Variants in MAP3K2 observed in about 807,000 individuals in gnomAD.
The protein encoded by MAP3K2 is MAP/ERK kinase kinase 2.
Under a neutral mutation model 80.3 loss-of-function variants are expected in MAP3K2, and 24 were observed. The ratio of observed to expected loss-of-function variants is 0.30; its 90% CI spans 0.22 to 0.42. The LOEUF is 0.42. MAP3K2 is among the 10% of genes least tolerant of loss of function. The pLI is 1.00. For synonymous variants in MAP3K2, 244 were observed against 253.7 expected (o/e 0.96, Z 0.36); for missense variants, 608 against 750.1 (o/e 0.81, Z 2.21).
chr2:127,319,650 CAAAAAAAAAAAAAAA>C (rs57472022), intron 12 of MAP3K2, among the ~76,000 whole-genome samples: 3 of 71,828 alleles, frequency 4.2e-5, no homozygotes, highest in African/African-American at 1.2e-4. Context: ...ACTAAAAATA[CAAAAAAAAAAAAAAA>C]AAAAAAAAAA....
rs1685629442 is a variant in MAP3K2, at chr2:127,303,140, T to A, written c.*4439A>T. ...CATTTAACCAATCTTAAAATTCAAA[T>A]AAATATGAACATTACATTTGTAAAA... On this transcript the variant is annotated 3_prime_UTR_variant, in exon 17 of 17. Coordinates refer to ENST00000682094, the MANE Select transcript of MAP3K2 (RefSeq NM_001371910.2). 6.6e-6 allele frequency: 1 copy of A among 152,066 alleles called. No homozygotes were observed. The highest frequency in any genetic ancestry group is 1.5e-5 in the Non-Finnish European group (1 of 67,986). 9.4% of individuals were successfully genotyped at this position (152,066 alleles called of 1,614,324 possible). A position where few individuals can be genotyped will look rare whatever the true frequency, so the allele number is the denominator to read the frequency against.
intron 1 of MAP3K2, among the ~76,000 whole-genome samples, chr2:127,350,471 AG>A (rs1181242221): frequency 4.3e-4 from 63 of 146,944 alleles, no homozygotes; most frequent in African/African-American, 1.6e-3. Context: ...AAAAAAAAAA[AG>A]AAAGAAGAAA....
chr2:127,374,110 C>A lies in MAP3K2; in HGVS notation c.-66+13342G>T, dbSNP rs151018630. Among the ~76,000 whole-genome samples, 49 of 152,242 alleles carry A rather than the reference C, an allele frequency of 3.2e-4. 1 individual carries two copies. In the East Asian group the frequency reaches 9.5e-3, roughly 29 times the overall value. ...AGATCACATAATTCCCTCACTCATTCTGGATTTACTAGCACTCAGAGAGCT... is the reference window on the plus strand; with the variant it reads ...AGATCACATAATTCCCTCACTCATTATGGATTTACTAGCACTCAGAGAGCT... On this transcript the variant is annotated intron_variant, in intron 1 of 16. Transcript: ENST00000682094.
intron 1 of MAP3K2, among the ~76,000 whole-genome samples, chr2:127,343,862 T>C (rs1051997950): frequency 2.6e-5 from 4 of 151,622 alleles, no homozygotes; most frequent in Admixed American, 2.0e-4. Flanking sequence ...TACAAAAAAA[T>C]ACAAAAATTA....
chr2:127,363,660 G>A (rs1160471844), intron 1 of MAP3K2, among the ~76,000 whole-genome samples: 1 of 152,108 alleles, frequency 6.6e-6, no homozygotes, highest in Non-Finnish European at 1.5e-5. Context: ...AATGTTATTT[G>A]TGTAGCTGGC....
intron 5 of MAP3K2, among the ~76,000 whole-genome samples, chr2:127,333,740 CA>C (rs1443521206): frequency 6.6e-6 from 1 of 151,678 alleles, no homozygotes; most frequent in Non-Finnish European, 1.5e-5. Context: ...CTTCAGAAAG[CA>C]TGAGAAAAAT....
intron 5 of MAP3K2, among the ~76,000 whole-genome samples, chr2:127,332,966 G>GA (rs1686287585): frequency 6.6e-6 from 1 of 151,466 alleles, no homozygotes; most frequent in African/African-American, 2.4e-5. Flanking sequence ...CACATCTCTA[G>GA]AAAAAATACA....
At chr2:127,352,310 G>A (rs1686705083) in intron 1 of MAP3K2, among the ~76,000 whole-genome samples, 1 of 152,128 alleles carries the variant, frequency 6.6e-6, no homozygotes. Context: ...AGAGAAGGTT[G>A]TTTAAATACC....
chr2:127,316,660 C>T (rs1685910573), intron 14 of MAP3K2, among the ~76,000 whole-genome samples: 1 of 152,168 alleles, frequency 6.6e-6, no homozygotes, highest in African/African-American at 2.4e-5. Context: ...CAATGCAGGA[C>T]TCAATATGTC....
chr2:127,315,099 G>C (rs1311264986), intron 14 of MAP3K2, among the ~76,000 whole-genome samples: 1 of 152,166 alleles, frequency 6.6e-6, no homozygotes. Flanking sequence ...TAACTAGAAA[G>C]AACACAGAGA....
At chr2:127,343,518 G>A (rs1453204065) in intron 1 of MAP3K2, among the ~76,000 whole-genome samples, 1 of 152,110 alleles carries the variant, frequency 6.6e-6, no homozygotes, top group African/African-American at 2.4e-5. Flanking sequence ...TAACTCCTAA[G>A]CAGGCCTTCT....
intron 4 of MAP3K2, among the ~76,000 whole-genome samples, chr2:127,337,396 A>C (rs753416598): frequency 6.6e-6 from 1 of 152,164 alleles, no homozygotes; most frequent in Non-Finnish European, 1.5e-5. Context: ...TATAAATGCT[A>C]TATAGTATCT....
chr2:127,387,422 A>G (rs867486198), intron 1 of MAP3K2, 30 bp downstream of exon 1: 11 of 940,796 alleles, frequency 1.2e-5, no homozygotes, highest in Non-Finnish European at 1.4e-5. Flanking sequence ...ACACACACAC[A>G]AGCGCGCGCG....
At chr2:127,350,105 T>C (rs1177475132) in intron 1 of MAP3K2, among the ~76,000 whole-genome samples, 2 of 152,038 alleles carry the variant, frequency 1.3e-5, no homozygotes, top group East Asian at 3.8e-4. Flanking sequence ...GGAATCAGAA[T>C]ATGACTGAGA....
At chr2:127,314,303 A>C (rs1328291010) in intron 15 of MAP3K2, among the ~76,000 whole-genome samples, 1 of 152,192 alleles carries the variant, frequency 6.6e-6, no homozygotes, top group African/African-American at 2.4e-5. Context: ...TATTGCATGC[A>C]TTAACTCATT....
In MAP3K2 at chr2:127,322,357, G is replaced by C; in HGVS notation, c.839-105C>G. 2.9e-6 allele frequency: 2 copies of C among 693,676 alleles called. No homozygotes were observed. The highest frequency in any genetic ancestry group is 4.7e-6 in the Non-Finnish European group (2 of 424,410). The allele number at this position is 693,676 out of a possible 1,614,324, so 43.0% of individuals were successfully genotyped here. ...AGAATAGAAATTTGTCCTGTGACTA[G>C]GCTAAGAAACTCAAATAGGAATGAT... On this transcript the variant is annotated intron_variant, in intron 11 of 16. Transcript: ENST00000682094. This position sits in a 1 kb window ranked among gnomAD's most constrained non-coding sequence, Gnocchi z 4.2.
chr2:127,369,873 C>T (rs1687032836), intron 1 of MAP3K2, among the ~76,000 whole-genome samples: 2 of 152,174 alleles, frequency 1.3e-5, no homozygotes, highest in South Asian at 4.2e-4. Context: ...AGTAATGTTC[C>T]GTGTAGGAGA....
chr2:127,330,245 T>G (rs1686226666), intron 6 of MAP3K2, 147 bp downstream of exon 6: 1 of 582,112 alleles, frequency 1.7e-6, no homozygotes, highest in East Asian at 2.9e-5. Flanking sequence ...GTAAGGATAT[T>G]AAAGTATAGT....
At chr2:127,359,625 C>T (rs1261479531) in intron 1 of MAP3K2, among the ~76,000 whole-genome samples, 1 of 152,126 alleles carries the variant, frequency 6.6e-6, no homozygotes, top group Non-Finnish European at 1.5e-5. Context: ...GAAATGTAAG[C>T]CCCAATGCTG....
Sources: gnomAD v4.1 joint callset for allele counts (sites outside exome capture counted in the v4.1 genomes callset) on GRCh38, gnomAD v4.1.1 for gene constraint, Gnocchi (gnomAD v3.1) non-coding constraint, MANE v1.5 for transcripts, NCBI Gene and HGNC (gene_info 2026-07-23, HGNC 2026-07-21) for gene names.